Variants in SPRED1 observed in about 807,000 individuals in gnomAD.
SPRED1 encodes sprouty related EVH1 domain containing 1.
Under a neutral mutation model 52.3 loss-of-function variants are expected in SPRED1, and 18 were observed. The ratio of observed to expected loss-of-function variants is 0.34; its 90% confidence interval spans 0.24 to 0.51. The LOEUF (loss-of-function observed/expected upper bound fraction) is 0.51, where lower values mean the gene tolerates loss of function less well. SPRED1 is among the 20% of genes least tolerant of loss of function. The pLI, the probability that SPRED1 is intolerant of heterozygous loss-of-function variation, is 0.97. For missense variants in SPRED1, 485 were observed against 551.0 expected (o/e 0.88, Z 1.20); for synonymous variants, 155 against 179.7 (o/e 0.86, Z 1.10).
chr15:38,315,125 G>T (rs1438546044), intron 2 of SPRED1, among the ~76,000 whole-genome samples: 2 of 151,550 alleles, frequency 1.3e-5, no homozygotes, highest in Admixed American at 1.3e-4. Context: ...TCATTATAAG[G>T]GCAACTATTT....
intron 2 of SPRED1, among the ~76,000 whole-genome samples, chr15:38,320,805 A>C (rs958704924): frequency 2.0e-5 from 3 of 152,158 alleles, no homozygotes; most frequent in Admixed American, 6.5e-5. Flanking sequence ...ATTAATTGCA[A>C]AGATCACTAA....
chr15:38,271,319 C>G (rs887467113), intron 1 of SPRED1, among the ~76,000 whole-genome samples: 3 of 152,188 alleles, frequency 2.0e-5, no homozygotes, highest in African/African-American at 7.2e-5. Context: ...GGATCAATCA[C>G]ACATGTGCAT....
intron 4 of SPRED1, among the ~76,000 whole-genome samples, chr15:38,325,684 G>A (rs1045261956): frequency 6.6e-6 from 1 of 152,124 alleles, no homozygotes; most frequent in Non-Finnish European, 1.5e-5. Flanking sequence ...AAGCAACACT[G>A]TGTAGATATT....
chr15:38,275,919 GTCTGGGTTCTTTCCACTTAC>G (rs1894542300), intron 1 of SPRED1, among the ~76,000 whole-genome samples: 1 of 152,176 alleles, frequency 6.6e-6, no homozygotes, highest in African/African-American at 2.4e-5. Flanking sequence ...TTATTGTGGA[GTCTGGGTTCTTTCCACTTAC>G]TCTCCTGTGG....
intron 5 of SPRED1, among the ~76,000 whole-genome samples, chr15:38,343,430 G>A (rs1896067570): frequency 6.6e-6 from 1 of 152,124 alleles, no homozygotes; most frequent in Non-Finnish European, 1.5e-5. Context: ...AAAGACAGGA[G>A]AATTGCATGA....
At chr15:38,281,423 CT>C (rs1894685203) in intron 1 of SPRED1, among the ~76,000 whole-genome samples, 1 of 152,126 alleles carries the variant, frequency 6.6e-6, no homozygotes, top group Non-Finnish European at 1.5e-5. Context: ...ACGGGAGTCT[CT>C]GTCTGTCACC....
At chr15:38,310,259 G>C (rs1895340716) in intron 2 of SPRED1, among the ~76,000 whole-genome samples, 1 of 151,916 alleles carries the variant, frequency 6.6e-6, no homozygotes, top group Non-Finnish European at 1.5e-5. Context: ...TCCTGCCTCA[G>C]CCTCCCGAGT....
At chr15:38,285,937 A>G (rs966001527) in intron 1 of SPRED1, among the ~76,000 whole-genome samples, 1 of 152,118 alleles carries the variant, frequency 6.6e-6, no homozygotes, top group Non-Finnish European at 1.5e-5. Flanking sequence ...CATGCCCTTT[A>G]TACCCTTATT....
chr15:38,337,967 G>A (rs1404337143), intron 4 of SPRED1, among the ~76,000 whole-genome samples: 3 of 149,910 alleles, frequency 2.0e-5, no homozygotes, highest in African/African-American at 4.9e-5. Context: ...TTGGGAGGCC[G>A]AGGCGGGTGG....
In SPRED1 at chr15:38,299,635, C is replaced by T. The variant is rs914487782; in HGVS notation, c.207+88C>T. The T allele has an allele frequency of 7.0e-6, 9 of 1,294,698 alleles. No individual in the cohort carries two copies. In the African/African-American group the frequency reaches 1.3e-4, roughly 19 times the overall value. 80.2% of individuals were successfully genotyped at this position (1,294,698 alleles called of 1,614,324 possible). On this transcript the variant is annotated intron_variant, in intron 2 of 6. Coordinates refer to ENST00000299084, the MANE Select transcript of SPRED1 (RefSeq NM_152594.3). The stretch of plus-strand genomic sequence containing the variant: ...TTAGTATACTGTTGTGAGTTTTTTT[C>T]ACCTGTGAATCAGTAATTATGTTTC...
chr15:38,324,841 A>T, intron 4 of SPRED1, 32 bp downstream of exon 4: 2 of 1,575,500 alleles, frequency 1.3e-6, no homozygotes, highest in Non-Finnish European at 1.7e-6. Flanking sequence ...ATTTGTAAAC[A>T]TAAAGGATGT....
At chr15:38,274,019 A>G (rs1894494312) in intron 1 of SPRED1, among the ~76,000 whole-genome samples, 2 of 152,232 alleles carry the variant, frequency 1.3e-5, no homozygotes, top group South Asian at 4.1e-4. Flanking sequence ...ATCACATATT[A>G]AAGAGTTATT....
In SPRED1 at chr15:38,357,152, C is replaced by A. The variant is rs1888639010; in HGVS notation, c.*5488C>A. On this transcript the variant is annotated 3_prime_UTR_variant, in exon 7 of 7. Coordinates refer to ENST00000299084, the MANE Select transcript of SPRED1 (RefSeq NM_152594.3). ...ATCAATGGTATGAAAGCTGTAGTCACTCTTTAAATTGAACTGCTCTAAGAT... is the reference window on the plus strand; with the variant it reads ...ATCAATGGTATGAAAGCTGTAGTCAATCTTTAAATTGAACTGCTCTAAGAT... 1 of 152,200 alleles carries A rather than the reference C, an allele frequency of 6.6e-6. No homozygotes were observed. The highest frequency in any genetic ancestry group is 6.5e-5 in the Admixed American group (1 of 15,288). The allele number at this position is 152,200 out of a possible 1,614,324, so 9.4% of individuals were successfully genotyped here.
rs376679136 is a variant in SPRED1 at position 38,351,360 on chromosome 15, A to G, written c.1031A>G (p.His344Arg). ...RCVYCQERFN[H>R]EENVRGKCQD... ...GTATACTGCCAGGAAAGGTTTAATC[A>G]TGAAGAAAATGTTAGGGGAAAATGT... Residue 344 changes from histidine to arginine, a missense_variant, in exon 7 of 7, where the codon CAT becomes CGT. Physicochemically the swap from His to Arg is conservative, Grantham distance 29. Transcript: ENST00000299084. The G allele has an allele frequency of 5.6e-6, 9 of 1,614,072 alleles. No homozygotes were observed. Among genetic ancestry groups the G allele is most frequent in the Middle Eastern group, 1.6e-4 (1 of 6,084 alleles).
chr15:38,332,438 T>C (rs1013315805), intron 4 of SPRED1, among the ~76,000 whole-genome samples: 1 of 152,098 alleles, frequency 6.6e-6, no homozygotes. Flanking sequence ...CCAGGCATGA[T>C]GGAGTCCACC....
intron 5 of SPRED1, among the ~76,000 whole-genome samples, chr15:38,347,083 G>A (rs906873150): frequency 1.3e-5 from 2 of 152,036 alleles, no homozygotes; most frequent in African/African-American, 4.8e-5. Context: ...AAATTTTAAT[G>A]CAGTTGAATT....
Position 38,335,771 on chromosome 15 carries a change from G to A in SPRED1, c.424-3966G>A, listed in dbSNP as rs201163443. 1.3e-4 allele frequency among the ~76,000 whole-genome samples: 19 copies of A among 151,800 alleles called. No individual in the cohort carries two copies. The East Asian group carries it at 2.5e-3, about 20-fold the overall frequency. On this transcript the variant is annotated intron_variant, in intron 4 of 6. Transcript: ENST00000299084. ...AGACCCTGTCTCTTGAAAAAGAAAG[G>A]CAAAACAGGAATAGAATTGATGCTA...
chr15:38,310,107 A>G (rs1036158822), intron 2 of SPRED1, among the ~76,000 whole-genome samples: 4 of 41,826 alleles, frequency 9.6e-5, no homozygotes, highest in Non-Finnish European at 1.9e-4. Context: ...TAAATTTTAG[A>G]CTATTCTTTG....
intron 5 of SPRED1, among the ~76,000 whole-genome samples, chr15:38,347,461 C>CTTTTTTTTTT (rs3075337): frequency 2.1e-5 from 2 of 93,214 alleles, no homozygotes; most frequent in African/African-American, 4.1e-5. Flanking sequence ...CCGCTTGGAT[C>CTTTTTTTTTT]TTTTTTTTTT....
Sources: allele counts gnomAD v4.1 joint callset (sites outside exome capture counted in the v4.1 genomes callset), GRCh38; gene constraint gnomAD v4.1.1; transcripts MANE v1.5; gene names NCBI Gene and HGNC (gene_info 2026-07-23, HGNC 2026-07-21).